GRM8: variants seen among roughly 807,000 people sequenced by gnomAD.
The protein encoded by GRM8 is glutamate metabotropic receptor 8.
Under a neutral mutation model 87.2 loss-of-function variants are expected in GRM8, and 47 were observed. The observed-to-expected ratio is 0.54, with a 90% CI of 0.43 to 0.69. GRM8 has a LOEUF of 0.69. Among genes scored for constraint, GRM8 ranks in the 30% least tolerant of loss-of-function variants. The pLI is 0.00. For missense variants in GRM8, 1,019 were observed against 1,139.2 expected (o/e 0.89, Z 1.52); for synonymous variants, 396 against 404.5 (o/e 0.98, Z 0.25).
intron 2 of GRM8, among the ~76,000 whole-genome samples, chr7:127,214,545 T>C (rs1425140743): frequency 1.3e-5 from 2 of 152,182 alleles, no homozygotes; most frequent in African/African-American, 4.8e-5. Context: ...TGGGGAGGCC[T>C]GAGGAAACTT....
intron 9 of GRM8, among the ~76,000 whole-genome samples, chr7:126,473,737 C>G (rs1805575556): frequency 6.6e-6 from 1 of 152,110 alleles, no homozygotes; most frequent in African/African-American, 2.4e-5. Flanking sequence ...CTCCCACAGT[C>G]CCCATGTGTC....
chr7:126,890,241 A>G (rs1328166432), intron 6 of GRM8, among the ~76,000 whole-genome samples: 2 of 152,110 alleles, frequency 1.3e-5, no homozygotes, highest in African/African-American at 4.8e-5. Flanking sequence ...AAAGAAAAGG[A>G]AGTTGTTAAA....
intron 2 of GRM8, among the ~76,000 whole-genome samples, chr7:127,233,121 C>T (rs1020739496): frequency 6.6e-6 from 1 of 152,134 alleles, no homozygotes; most frequent in African/African-American, 2.4e-5. Flanking sequence ...TGAGCCACCG[C>T]ACCCAGCCTG....
chr7:127,128,629 A>G (rs1474079159), intron 2 of GRM8, among the ~76,000 whole-genome samples: 1 of 152,190 alleles, frequency 6.6e-6, no homozygotes, highest in Non-Finnish European at 1.5e-5. Flanking sequence ...TATAAAGCAG[A>G]TATCATTATC....
At chr7:126,936,116 C>T (rs1190115137) in intron 3 of GRM8, among the ~76,000 whole-genome samples, 3 of 152,138 alleles carry the variant, frequency 2.0e-5, no homozygotes, top group Non-Finnish European at 4.4e-5. Flanking sequence ...GTTATAACCA[C>T]CTTTCCAGAC....
intron 9 of GRM8, among the ~76,000 whole-genome samples, chr7:126,497,115 C>T (rs1428118274): frequency 6.6e-6 from 1 of 151,546 alleles, no homozygotes; most frequent in African/African-American, 2.4e-5. Context: ...TGATTATGAG[C>T]CAATTTCAGC....
At chr7:126,681,285 T>G (rs1294828190) in intron 7 of GRM8, among the ~76,000 whole-genome samples, 1 of 152,172 alleles carries the variant, frequency 6.6e-6, no homozygotes, top group Non-Finnish European at 1.5e-5. Flanking sequence ...TTAGCAAAAG[T>G]TGTTCTCTTC....
intron 2 of GRM8, among the ~76,000 whole-genome samples, chr7:127,176,690 T>C (rs993059304): frequency 4.6e-5 from 7 of 152,218 alleles, no homozygotes; most frequent in African/African-American, 1.7e-4. Context: ...GAGACTCTCC[T>C]CTCACAGGGC....
chr7:126,825,034 C>G (rs1364412413), intron 6 of GRM8, among the ~76,000 whole-genome samples: 2 of 152,196 alleles, frequency 1.3e-5, no homozygotes, highest in Non-Finnish European at 2.9e-5. Flanking sequence ...GTTGCTGCAT[C>G]AGCGTTTACA....
intron 3 of GRM8, among the ~76,000 whole-genome samples, chr7:127,070,955 T>G (rs1317632055): frequency 6.6e-6 from 1 of 152,188 alleles, no homozygotes; most frequent in Non-Finnish European, 1.5e-5. Context: ...ACAGGCCATT[T>G]CATCTTCAGT....
intron 3 of GRM8, among the ~76,000 whole-genome samples, chr7:126,934,018 G>T (rs902493166): frequency 6.6e-6 from 1 of 152,226 alleles, no homozygotes; most frequent in African/African-American, 2.4e-5. Flanking sequence ...GTAAGACATT[G>T]TTCCTTTTGT....
chr7:126,836,449 T>C (rs1795835621), intron 6 of GRM8, among the ~76,000 whole-genome samples: 1 of 152,098 alleles, frequency 6.6e-6, no homozygotes, highest in Non-Finnish European at 1.5e-5. Flanking sequence ...TAAAAGAAAT[T>C]CAAATTCCAT....
intron 7 of GRM8, among the ~76,000 whole-genome samples, chr7:126,705,754 A>C (rs956307927): frequency 3.9e-5 from 6 of 152,184 alleles, no homozygotes; most frequent in Non-Finnish European, 5.9e-5. Context: ...AACATTGGAG[A>C]GCCTCAAAAT....
intron 8 of GRM8, among the ~76,000 whole-genome samples, chr7:126,569,636 T>C (rs1794528729): frequency 6.6e-6 from 1 of 152,160 alleles, no homozygotes; most frequent in South Asian, 2.1e-4. Context: ...TCATCAGTTT[T>C]GCTGTGACAA....
intron 3 of GRM8, among the ~76,000 whole-genome samples, chr7:127,056,909 A>G (rs555699403): frequency 6.6e-6 from 1 of 152,212 alleles, no homozygotes; most frequent in Non-Finnish European, 1.5e-5. Flanking sequence ...ATAAAGCAAA[A>G]GTGAATTTTA....
intron 7 of GRM8, among the ~76,000 whole-genome samples, chr7:126,686,466 C>G (rs937235166): frequency 1.3e-5 from 2 of 152,156 alleles, no homozygotes; most frequent in Admixed American, 6.5e-5. Context: ...CAGTGACTCC[C>G]TATTTGGGGC....
At chr7:126,876,095 G>A (rs1799503852) in intron 6 of GRM8, among the ~76,000 whole-genome samples, 2 of 152,176 alleles carry the variant, frequency 1.3e-5, no homozygotes, top group Non-Finnish European at 2.9e-5. Flanking sequence ...CCCAAGCACA[G>A]CTTTCCATGA....
At chr7:126,626,694 C>T (rs1800732697) in intron 7 of GRM8, among the ~76,000 whole-genome samples, 1 of 152,016 alleles carries the variant, frequency 6.6e-6, no homozygotes, top group Admixed American at 6.6e-5. Context: ...AGTGTTCTAC[C>T]TTCTCTTTGC....
intron 6 of GRM8, among the ~76,000 whole-genome samples, chr7:126,878,828 T>TGAGATAC (rs1799764664): frequency 6.6e-6 from 1 of 150,694 alleles, no homozygotes. Flanking sequence ...CACCCAGCCT[T>TGAGATAC]GAGATACTGT....
Sources: allele counts gnomAD v4.1 joint callset (sites outside exome capture counted in the v4.1 genomes callset), GRCh38; gene constraint gnomAD v4.1.1; transcripts MANE v1.5; gene names NCBI Gene and HGNC (gene_info 2026-07-23, HGNC 2026-07-21).